Variants in AKAP19 observed in about 807,000 individuals in gnomAD.
The protein encoded by AKAP19 is small A-kinase anchoring protein.
chr2:190,091,429 T>G, the AKAP19 span, among the ~76,000 whole-genome samples: 5 of 152,224 alleles, frequency 3.3e-5, no homozygotes, highest in African/African-American at 1.2e-4. Flanking sequence ...TTATTCAAAC[T>G]GTACTAAAAT....
At chr2:189,997,030 G>T in the AKAP19 span, among the ~76,000 whole-genome samples, 2 of 152,180 alleles carry the variant, frequency 1.3e-5, no homozygotes, top group African/African-American at 4.8e-5. Context: ...AGAGTCCTTG[G>T]TTGTAGATAT....
chr2:190,038,913 C>CTTTCTTTCTTTCT, the AKAP19 span, among the ~76,000 whole-genome samples: 6 of 113,704 alleles, frequency 5.3e-5, no homozygotes, highest in Middle Eastern at 4.1e-3. Flanking sequence ...TCTTCTTCTT[C>CTTTCTTTCTTTCT]TTCTTCTTCT....
the AKAP19 span, among the ~76,000 whole-genome samples, chr2:190,182,336 A>G: frequency 6.6e-6 from 1 of 152,202 alleles, no homozygotes; most frequent in Non-Finnish European, 1.5e-5. Flanking sequence ...CTGAAACTTT[A>G]GTCAGTCTGA....
At chr2:190,093,028 T>C in the AKAP19 span, among the ~76,000 whole-genome samples, 3 of 152,180 alleles carry the variant, frequency 2.0e-5, no homozygotes, top group Non-Finnish European at 4.4e-5. Context: ...AGATGATGCT[T>C]TTCTGGACCA....
At chr2:189,921,328 A>G in the AKAP19 span, among the ~76,000 whole-genome samples, 2 of 152,226 alleles carry the variant, frequency 1.3e-5, no homozygotes, top group Non-Finnish European at 2.9e-5. Context: ...AAATTATTTC[A>G]GAAAGAATAA....
chr2:190,004,953 CACTT>C, the AKAP19 span, among the ~76,000 whole-genome samples: 1 of 152,174 alleles, frequency 6.6e-6, no homozygotes, highest in Non-Finnish European at 1.5e-5. Context: ...TTCTTGGTCT[CACTT>C]AGTTCAACAA....
the AKAP19 span, among the ~76,000 whole-genome samples, chr2:189,895,461 C>T: frequency 1.3e-4 from 20 of 152,130 alleles, no homozygotes; most frequent in Admixed American, 7.2e-4. Flanking sequence ...TATTGCCTAG[C>T]GATAATCAAA....
At chr2:190,003,070 T>C in the AKAP19 span, among the ~76,000 whole-genome samples, 1 of 152,126 alleles carries the variant, frequency 6.6e-6, no homozygotes, top group Non-Finnish European at 1.5e-5. Context: ...TAAATGATAG[T>C]GTTTATTAGA....
At chr2:189,957,285 C>G in the AKAP19 span, among the ~76,000 whole-genome samples, 1 of 152,162 alleles carries the variant, frequency 6.6e-6, no homozygotes, top group Non-Finnish European at 1.5e-5. Flanking sequence ...CTGACTCTTA[C>G]TTCCGTTACA....
At chr2:189,909,611 A>G in the AKAP19 span, among the ~76,000 whole-genome samples, 4 of 152,060 alleles carry the variant, frequency 2.6e-5, no homozygotes, top group Non-Finnish European at 5.9e-5. Flanking sequence ...CTTTCATTGC[A>G]TACAAAAACA....
At chr2:190,055,550 A>G in the AKAP19 span, 2 of 152,206 alleles carry the variant, frequency 1.3e-5, no homozygotes, top group African/African-American at 4.8e-5. Flanking sequence ...AAGCAACTTG[A>G]CCAGGACCAA....
chr2:189,908,368 T>A, the AKAP19 span, among the ~76,000 whole-genome samples: 1 of 152,058 alleles, frequency 6.6e-6, no homozygotes, highest in African/African-American at 2.4e-5. Context: ...TAATTCTTTT[T>A]GTACTTTTAG....
chr2:189,944,650 A>G, the AKAP19 span, among the ~76,000 whole-genome samples: 2 of 152,216 alleles, frequency 1.3e-5, no homozygotes, highest in African/African-American at 4.8e-5. Context: ...CAACAATAAT[A>G]GGGGACTTTA....
At chr2:189,996,603 A>G in the AKAP19 span, among the ~76,000 whole-genome samples, 1 of 151,608 alleles carries the variant, frequency 6.6e-6, no homozygotes, top group East Asian at 1.9e-4. Flanking sequence ...TAATTCAGAG[A>G]TTTCTTCTTG....
At chr2:190,084,090 G>GTTTTTTTTTTTTTTTTT in the AKAP19 span, among the ~76,000 whole-genome samples, 1 of 132,090 alleles carries the variant, frequency 7.6e-6, no homozygotes. Context: ...TAGAGCTCAG[G>GTTTTTTTTTTTTTTTTT]TTTTTTTTTT....
At chr2:190,102,935 A>G in the AKAP19 span, among the ~76,000 whole-genome samples, 1 of 152,308 alleles carries the variant, frequency 6.6e-6, no homozygotes, top group East Asian at 1.9e-4. Context: ...ATAGATACAG[A>G]AATCCTTAAC....
At chr2:190,183,044 AATAG>A in the AKAP19 span, among the ~76,000 whole-genome samples, 5 of 152,306 alleles carry the variant, frequency 3.3e-5, no homozygotes, top group African/African-American at 1.2e-4. Context: ...AGTCACTGAT[AATAG>A]ATAGGACAAG....
chr2:190,122,803 T>G, the AKAP19 span, among the ~76,000 whole-genome samples: 1 of 150,626 alleles, frequency 6.6e-6, no homozygotes, highest in African/African-American at 2.5e-5. Context: ...ATCACCTCTC[T>G]CTCTCTCTTT....
At chr2:190,155,590 T>G in the AKAP19 span, among the ~76,000 whole-genome samples, 2 of 152,156 alleles carry the variant, frequency 1.3e-5, no homozygotes, top group African/African-American at 4.8e-5. Flanking sequence ...ACTTCATCTT[T>G]TAAGACTGGA....
Sources: gnomAD v4.1 joint callset for allele counts (sites outside exome capture counted in the v4.1 genomes callset) on GRCh38, gnomAD v4.1.1 for gene constraint, MANE v1.5 for transcripts, NCBI Gene and HGNC (gene_info 2026-07-23, HGNC 2026-07-21) for gene names.